Variants in ZMIZ1 observed in about 807,000 individuals in gnomAD.
ZMIZ1 encodes the protein zinc finger MIZ domain-containing protein 1.
A neutral mutation model predicts 113.9 loss-of-function variants in ZMIZ1; 17 were observed. That is an observed-to-expected ratio of 0.15 (90% confidence interval 0.10 to 0.22). The LOEUF (loss-of-function observed/expected upper bound fraction) is 0.22. ZMIZ1 is among the 10% of genes least tolerant of loss of function. The pLI, the probability that ZMIZ1 is intolerant of heterozygous loss-of-function variation, is 1.00. For synonymous variants in ZMIZ1, 607 were observed against 603.1 expected (o/e 1.01, Z -0.09); for missense variants, 1,059 against 1,477.8 (o/e 0.72, Z 4.65).
chr10:79,168,808 C>G (rs1460931108), intron 4 of ZMIZ1, among the ~76,000 whole-genome samples: 1 of 152,134 alleles, frequency 6.6e-6, no homozygotes, highest in Non-Finnish European at 1.5e-5. Context: ...CTCAGTGTGA[C>G]CCCCACAGGT....
At chr10:79,244,503 T>C (rs567286285) in intron 7 of ZMIZ1, among the ~76,000 whole-genome samples, 5 of 152,164 alleles carry the variant, frequency 3.3e-5, no homozygotes, top group Admixed American at 1.3e-4. Flanking sequence ...CGAGAAGCCC[T>C]CTGGGGGGAA....
intron 7 of ZMIZ1, among the ~76,000 whole-genome samples, chr10:79,268,600 AG>A (rs769086917): frequency 2.0e-5 from 3 of 152,224 alleles, no homozygotes; most frequent in Non-Finnish European, 4.4e-5. Context: ...GCTGGGTGCC[AG>A]GGTTGTAGAA....
At chr10:79,218,446 G>C (rs1564531674) in intron 7 of ZMIZ1, among the ~76,000 whole-genome samples, 1 of 152,102 alleles carries the variant, frequency 6.6e-6, no homozygotes, top group African/African-American at 2.4e-5. Context: ...CTGCATTCCA[G>C]CCTGGGTGAT....
At chr10:79,158,004 G>A (rs975890131) in intron 3 of ZMIZ1, among the ~76,000 whole-genome samples, 10 of 152,180 alleles carry the variant, frequency 6.6e-5, no homozygotes, top group African/African-American at 1.4e-4. Flanking sequence ...AGCTGGTTCC[G>A]CCAGCTTGGC....
chr10:79,086,070 C>T (rs1842802765), intron 1 of ZMIZ1, among the ~76,000 whole-genome samples: 1 of 152,170 alleles, frequency 6.6e-6, no homozygotes, highest in African/African-American at 2.4e-5. Flanking sequence ...AGCATTTTTA[C>T]CTCCAGGATA....
At chr10:79,304,257 G>T in intron 19 of ZMIZ1, 82 bp downstream of exon 19, 1 of 1,538,134 alleles carries the variant, frequency 6.5e-7, no homozygotes, top group East Asian at 2.3e-5. Flanking sequence ...AGGGGCAACA[G>T]AGCCTGTCCT....
chr10:79,131,075 G>C (rs943799564), intron 2 of ZMIZ1, among the ~76,000 whole-genome samples: 3 of 152,216 alleles, frequency 2.0e-5, no homozygotes, highest in African/African-American at 7.2e-5. Context: ...GCCATGGAAT[G>C]CCTTCAGGCT....
At chr10:79,181,507 C>T (rs1002462242) in intron 4 of ZMIZ1, among the ~76,000 whole-genome samples, 5 of 152,206 alleles carry the variant, frequency 3.3e-5, no homozygotes, top group East Asian at 3.9e-4. Flanking sequence ...ACCTGCCCAC[C>T]GGCTGCAACC....
chr10:79,139,524 GAC>G (rs1040898508), intron 2 of ZMIZ1, among the ~76,000 whole-genome samples, 156 bp from the exon 3 acceptor site: 1 of 152,202 alleles, frequency 6.6e-6, no homozygotes, highest in African/African-American at 2.4e-5. Context: ...GGGCGGGGAA[GAC>G]ACAGCCAGCT....
chr10:79,271,762 G>A (rs890000379), intron 7 of ZMIZ1, among the ~76,000 whole-genome samples: 3 of 152,192 alleles, frequency 2.0e-5, no homozygotes, highest in African/African-American at 7.2e-5. Context: ...AAGGAAAGAG[G>A]CATGAAATTG....
At chr10:79,287,470 C>T (rs1589568281) in intron 8 of ZMIZ1, among the ~76,000 whole-genome samples, 1 of 152,272 alleles carries the variant, frequency 6.6e-6, no homozygotes, top group Non-Finnish European at 1.5e-5. Context: ...ACGAGCAGCG[C>T]TCAGTTGGGA....
chr10:79,100,022 T>G (rs1843305449), intron 1 of ZMIZ1, among the ~76,000 whole-genome samples: 1 of 152,056 alleles, frequency 6.6e-6, no homozygotes, highest in Non-Finnish European at 1.5e-5. Context: ...TGGGGTGTAA[T>G]GGACCACACA....
In ZMIZ1 at chr10:79,293,607, C is replaced by G. The variant is rs199569617; in HGVS notation, c.1184C>G (p.Pro395Arg). 6.2e-7 allele frequency: 1 copy of G among 1,613,114 alleles called. No homozygotes were observed. Among genetic ancestry groups the G allele is most frequent in the African/African-American group, 1.3e-5 (1 of 75,062 alleles). ...MPQQTYPGPR[P>R]QSLPIQNIKR... ...CAGCAGACCTACCCGGGCCCCCGGC[C>G]CCAGTCCCTTCCTATTCAGAACATA... Residue 395 changes from proline (P) to arginine (R), a missense_variant, in exon 12 of 25, where the codon CCC (proline) becomes CGC (arginine). By Grantham distance (103) the Pro-to-Arg change is moderately radical. Around this residue, in one of 6 missense-constraint regions of ZMIZ1, gnomAD observed 239 missense variants for 247.5 expected, o/e 0.97. Transcript: ENST00000334512.
chr10:79,270,918 A>T (rs561359857), intron 7 of ZMIZ1, among the ~76,000 whole-genome samples: 47 of 152,260 alleles, frequency 3.1e-4, no homozygotes, highest in African/African-American at 1.1e-3. Flanking sequence ...TGGGAGTCCC[A>T]TGGGGTGTCC....
intron 1 of ZMIZ1, among the ~76,000 whole-genome samples, chr10:79,108,265 C>T (rs1564654696): frequency 1.3e-5 from 2 of 152,184 alleles, no homozygotes; most frequent in African/African-American, 4.8e-5. Flanking sequence ...ATTCCAGTCC[C>T]CCTTTACAGA....
intron 7 of ZMIZ1, among the ~76,000 whole-genome samples, chr10:79,248,369 G>T (rs1180055429): frequency 6.6e-6 from 1 of 152,152 alleles, no homozygotes; most frequent in Non-Finnish European, 1.5e-5. Context: ...CCTCCAGATG[G>T]CAGGGGGGAG....
chr10:79,215,331 G>GC (rs1848679759), intron 6 of ZMIZ1, among the ~76,000 whole-genome samples: 1 of 147,042 alleles, frequency 6.8e-6, no homozygotes, highest in African/African-American at 2.6e-5. Flanking sequence ...AAGGAGTCTT[G>GC]CTGTTCTGCC....
chr10:79,225,617 A>G (rs1250591), intron 7 of ZMIZ1, among the ~76,000 whole-genome samples: 82,795 of 151,916 alleles, frequency 0.55, 22,650 homozygotes, highest in East Asian at 0.73. Flanking sequence ...AGGGGTTTAG[A>G]AAAGGCTTAA....
intron 6 of ZMIZ1, among the ~76,000 whole-genome samples, chr10:79,214,799 C>T (rs1393365381): frequency 6.6e-6 from 1 of 152,182 alleles, no homozygotes; most frequent in South Asian, 2.1e-4. Context: ...ACTCCATTTT[C>T]CAAGGTCCTT....
Sources: allele counts gnomAD v4.1 joint callset (sites outside exome capture counted in the v4.1 genomes callset), GRCh38; gene constraint gnomAD v4.1.1; regional missense constraint gnomAD v4.1.1; transcripts MANE v1.5; gene names NCBI Gene and HGNC (gene_info 2026-07-23, HGNC 2026-07-21).